Variants in FAT3 observed in about 807,000 individuals in gnomAD.
FAT3 encodes the protein FAT atypical cadherin 3, also known as protocadherin Fat 3.
Under a neutral mutation model 310.2 loss-of-function variants are expected in FAT3, and 95 were observed. The ratio of observed to expected loss-of-function variants is 0.31; its 90% CI spans 0.26 to 0.36. The LOEUF (loss-of-function observed/expected upper bound fraction) is 0.36. FAT3 is among the 10% of genes least tolerant of loss of function. The pLI, the probability that FAT3 is intolerant of heterozygous loss-of-function variation, is 1.00. For missense variants in FAT3, 5,408 were observed against 5,715.6 expected, an observed-to-expected ratio of 0.95 and a Z score of 1.74; for synonymous variants, 2,314 against 2,192.9, an observed-to-expected ratio of 1.06 and a Z score of -1.54.
chr11:92,553,234 T>A (rs1330233823), intron 3 of FAT3, among the ~76,000 whole-genome samples: 1 of 152,224 alleles, frequency 6.6e-6, no homozygotes, highest in East Asian at 1.9e-4. Context: ...TACTCTTAGA[T>A]CAAAGGTCAC....
intron 2 of FAT3, among the ~76,000 whole-genome samples, chr11:92,493,522 T>C (rs976403458): frequency 6.6e-6 from 1 of 152,088 alleles, no homozygotes; most frequent in Non-Finnish European, 1.5e-5. Context: ...ACTTCACTCA[T>C]GCTGACTGGA....
At chr11:92,785,612 A>G (rs947879629) in intron 7 of FAT3, among the ~76,000 whole-genome samples, 8 of 152,182 alleles carry the variant, frequency 5.3e-5, no homozygotes, top group Non-Finnish European at 1.0e-4. Context: ...AGAAGACTCT[A>G]TTTAGGGTAG....
chr11:92,731,216 T>A lies in FAT3; in HGVS notation c.3670-30640T>A, dbSNP rs146965042. Among the ~76,000 whole-genome samples the A allele has an allele frequency of 2.5e-3, 378 of 152,302 alleles. 2 individuals carry two copies. The highest frequency in any genetic ancestry group is 8.7e-3 in the African/African-American group (361 of 41,572). On this transcript the variant is annotated intron_variant, in intron 4 of 27. Coordinates refer to ENST00000525166, the MANE Select transcript of FAT3 (RefSeq NM_001367949.2). ...CAGTTACTCTCAAACCTGTAAATAT[T>A]TTTGAAGCCTTGAATAGATCATTTG...
intron 2 of FAT3, among the ~76,000 whole-genome samples, chr11:92,375,215 C>T (rs1197818828): frequency 6.6e-6 from 1 of 152,072 alleles, no homozygotes; most frequent in Non-Finnish European, 1.5e-5. Context: ...CTTACAGCAG[C>T]CTCCAACTCC....
rs1195294740 is a variant in FAT3, at chr11:92,801,240, G to A, written c.8227G>A (p.Val2743Ile). ...LPSQNVWFST[V>I]NGERPENNKG... ...CAGTCAGAATGTCTGGTTCAGCACA[G>A]TTAATGGGGAACGGCCAGAAAATAA... Residue 2743 changes from valine (V) to isoleucine (I), a missense_variant, in exon 10 of 28, where the codon GTT (valine) becomes ATT (isoleucine). Transcript: ENST00000525166. 1.9e-6 allele frequency: 3 copies of A among 1,613,892 alleles called. No individual in the cohort carries two copies. The highest frequency in any genetic ancestry group is 1.1e-5 in the South Asian group (1 of 91,072).
At chr11:92,830,625 C>T (rs1051641253) in intron 13 of FAT3, among the ~76,000 whole-genome samples, 3 of 152,126 alleles carry the variant, frequency 2.0e-5, no homozygotes, top group Non-Finnish European at 4.4e-5. Context: ...TATCTAACTT[C>T]CTGCTTGACA....
chr11:92,393,151 C>T (rs1490312954), intron 2 of FAT3, among the ~76,000 whole-genome samples: 2 of 152,066 alleles, frequency 1.3e-5, no homozygotes, highest in Non-Finnish European at 2.9e-5. Context: ...TTCCAGCTGG[C>T]TTTATACCTA....
chr11:92,473,384 T>G (rs1479466638), intron 2 of FAT3, among the ~76,000 whole-genome samples: 2 of 152,144 alleles, frequency 1.3e-5, no homozygotes, highest in African/African-American at 2.4e-5. Context: ...CACCATCTTA[T>G]TATATTTTCA....
At chr11:92,483,176 G>A (rs564660563) in intron 2 of FAT3, among the ~76,000 whole-genome samples, 1 of 152,248 alleles carries the variant, frequency 6.6e-6, no homozygotes, top group South Asian at 2.1e-4. Flanking sequence ...AGAGTGTACA[G>A]GTAACACAGT....
Position 92,353,283 on chromosome 11 carries a change from C to G in FAT3, c.1171C>G (p.Pro391Ala). ...TGTGAGCATAAGTGAATTTTCCCCT[C>G]CTGGTGTCGTGGTTGCTATAGTAAA... ...YDVSISEFSPPGVVVAIVKLS... is the reference protein window; with the variant it reads ...YDVSISEFSPAGVVVAIVKLS... Residue 391 changes from proline to alanine, a missense_variant, in exon 2 of 28, where the codon CCT becomes GCT. Physicochemically the swap from Pro to Ala is conservative, Grantham distance 27. Around this residue, in one of 5 missense-constraint regions of FAT3, gnomAD observed 4,588 missense variants for 4,809.8 expected, o/e 0.95. Transcript: ENST00000525166. 2 of 1,613,630 alleles carry G rather than the reference C, an allele frequency of 1.2e-6. No homozygotes were observed. The highest frequency in any genetic ancestry group is 1.7e-6 in the Non-Finnish European group (2 of 1,179,810).
At chr11:92,839,819 G>C (rs1275496831) in intron 17 of FAT3, among the ~76,000 whole-genome samples, 2 of 152,218 alleles carry the variant, frequency 1.3e-5, no homozygotes, top group African/African-American at 4.8e-5. Context: ...ACGTGAGGAT[G>C]ACCTTTGACC....
At chr11:92,872,801 G>A (rs906935019) in intron 22 of FAT3, among the ~76,000 whole-genome samples, 13 of 152,314 alleles carry the variant, frequency 8.5e-5, no homozygotes, top group African/African-American at 2.9e-4. Flanking sequence ...AGGTCTAAAG[G>A]TTTTGAATGT....
rs1039120480 is a variant in FAT3 at position 92,544,463 on chromosome 11, G to T, written c.3607+19515G>T. Among the ~76,000 whole-genome samples the T allele has an allele frequency of 2.0e-5, 3 of 151,998 alleles. No individual in the cohort carries two copies. In the South Asian group the frequency reaches 6.2e-4, roughly 32 times the overall value. On this transcript the variant is annotated intron_variant, in intron 3 of 27. Transcript: ENST00000525166. Reference sequence around the variant, plus strand: ...ATATGAATGCTTCAAATTATCTCATGTACTCTGAAAATATGTACATCTAAT... The same window carrying T: ...ATATGAATGCTTCAAATTATCTCATTTACTCTGAAAATATGTACATCTAAT...
chr11:92,259,010 T>A (rs1239345264), intron 1 of FAT3, among the ~76,000 whole-genome samples: 1 of 149,978 alleles, frequency 6.7e-6, no homozygotes, highest in African/African-American at 2.4e-5. Context: ...GGTTGGGCTG[T>A]GTGTGGGGGG....
chr11:92,799,592 A>G lies in FAT3; in HGVS notation c.6579A>G (p.Ala2193=), dbSNP rs191059931. ...TGTTTGATAAGCCCTTTTATACAGCATCTGTCAATGAAGACATCAGAATGA... is the reference window on the plus strand; with the variant it reads ...TGTTTGATAAGCCCTTTTATACAGCGTCTGTCAATGAAGACATCAGAATGA... The part of the protein sequence containing the change: ...MPVFDKPFYT[A]SVNEDIRMNT... Residue 2193 remains alanine, a synonymous_variant, in exon 10 of 28, where the codon GCA becomes GCG. Transcript: ENST00000525166. 3.1e-4 allele frequency: 503 copies of G among 1,613,838 alleles called. 1 individual carries two copies. In the East Asian group the frequency reaches 9.5e-3, roughly 30 times the overall value.
chr11:92,764,751 C>A (rs1946259036), intron 5 of FAT3, 128 bp from the exon 6 acceptor site: 2 of 817,464 alleles, frequency 2.4e-6, no homozygotes, highest in Non-Finnish European at 3.8e-6. Flanking sequence ...CAGACCTCTG[C>A]TCCTTTCTTC....
At chr11:92,291,974 GT>G (rs1475681972) in intron 1 of FAT3, among the ~76,000 whole-genome samples, 1 of 151,822 alleles carries the variant, frequency 6.6e-6, no homozygotes, top group Non-Finnish European at 1.5e-5. Flanking sequence ...CAATATCATG[GT>G]TTTTTTAGTG....
At chr11:92,731,729 G>A (rs570361660) in intron 4 of FAT3, among the ~76,000 whole-genome samples, 2 of 151,494 alleles carry the variant, frequency 1.3e-5, no homozygotes, top group South Asian at 4.2e-4. Flanking sequence ...AAGGCAGTAA[G>A]AAGACCCCCC....
At chr11:92,735,031 C>T (rs1791566) in intron 4 of FAT3, among the ~76,000 whole-genome samples, 47,205 of 151,820 alleles carry the variant, frequency 0.31, 7,589 homozygotes, top group Non-Finnish European at 0.33. Context: ...AACTTGGTGG[C>T]TAATTAAATG....
Sources: allele counts gnomAD v4.1 joint callset (sites outside exome capture counted in the v4.1 genomes callset), GRCh38; gene constraint gnomAD v4.1.1; regional missense constraint gnomAD v4.1.1; transcripts MANE v1.5; gene names NCBI Gene and HGNC (gene_info 2026-07-23, HGNC 2026-07-21).